SPOCK3: variants seen among roughly 807,000 people sequenced by gnomAD.
SPOCK3 encodes the protein SPARC (osteonectin), cwcv and kazal like domains proteoglycan 3, also known as testican-3.
A neutral mutation model predicts 56.6 loss-of-function variants in SPOCK3; 30 were observed. The observed-to-expected ratio is 0.53, with a 90% CI of 0.40 to 0.72. The LOEUF (loss-of-function observed/expected upper bound fraction) is 0.72, where lower values mean the gene tolerates loss of function less well. SPOCK3 is among the 30% of genes least tolerant of loss of function. SPOCK3 has a pLI of 0.00. For synonymous variants in SPOCK3, 196 were observed against 183.3 expected (o/e 1.07, Z -0.56); for missense variants, 527 against 530.0 (o/e 0.99, Z 0.06).
intron 6 of SPOCK3, among the ~76,000 whole-genome samples, chr4:166,836,733 T>C (rs1308452064): frequency 6.6e-6 from 1 of 152,212 alleles, no homozygotes; most frequent in Non-Finnish European, 1.5e-5. Context: ...AACTCTCCTT[T>C]GAGTACTTTC....
In SPOCK3 at chr4:166,801,347, C is replaced by A. The variant is rs72494052; in HGVS notation, c.590-9058G>T. On this transcript the variant is annotated intron_variant, in intron 6 of 10. Coordinates refer to ENST00000357545, the MANE Select transcript of SPOCK3 (RefSeq NM_001040159.2). ...TATTGTTTTAAGTTACCATCTTTCC[C>A]TACCAAAAAAAGGGGAATATATTCC... 2.6e-3 allele frequency among the ~76,000 whole-genome samples: 394 copies of A among 152,070 alleles called. 10 individuals are homozygous for A. In the East Asian group the frequency reaches 0.059, roughly 23 times the overall value.
intron 6 of SPOCK3, among the ~76,000 whole-genome samples, chr4:166,871,197 A>AAATGAT (rs1202292664): frequency 6.6e-6 from 1 of 152,152 alleles, no homozygotes; most frequent in East Asian, 1.9e-4. Flanking sequence ...AAAAGGAAGA[A>AAATGAT]AATGATAATA....
At chr4:166,914,027 C>A (rs1737567473) in intron 4 of SPOCK3, among the ~76,000 whole-genome samples, 2 of 151,090 alleles carry the variant, frequency 1.3e-5, no homozygotes, top group African/African-American at 4.9e-5. Flanking sequence ...TGTAACACTT[C>A]AAGATTTATA....
At chr4:166,737,689 C>A in intron 9 of SPOCK3, 85 bp from the exon 10 acceptor site, 3 of 1,383,004 alleles carry the variant, frequency 2.2e-6, no homozygotes, top group South Asian at 1.4e-5. Context: ...ACCCATTATG[C>A]ATTAATGCAT....
intron 4 of SPOCK3, among the ~76,000 whole-genome samples, chr4:166,918,772 T>G (rs1268566333): frequency 1.3e-5 from 2 of 152,222 alleles, no homozygotes; most frequent in Non-Finnish European, 2.9e-5. Context: ...AAATGTCATG[T>G]TGAATTTTGA....
At chr4:166,994,637 T>A (rs1032354574) in intron 4 of SPOCK3, among the ~76,000 whole-genome samples, 1 of 152,176 alleles carries the variant, frequency 6.6e-6, no homozygotes, top group Non-Finnish European at 1.5e-5. Flanking sequence ...CCAATAATGA[T>A]AAGGTGTGTT....
At chr4:166,792,034 A>G (rs533770087) in intron 7 of SPOCK3, 136 bp downstream of exon 7, 13 of 967,566 alleles carry the variant, frequency 1.3e-5, no homozygotes, top group Non-Finnish European at 2.0e-5. Flanking sequence ...TGTGCTTGGA[A>G]GTAATAACGT....
At chr4:167,116,511 AAT>A (rs1761352346) in intron 2 of SPOCK3, among the ~76,000 whole-genome samples, 2 of 129,906 alleles carry the variant, frequency 1.5e-5, no homozygotes, top group East Asian at 2.3e-4. Flanking sequence ...TATATACACA[AAT>A]ATATATACGT....
chr4:167,014,929 C>T (rs1750464669), intron 3 of SPOCK3, among the ~76,000 whole-genome samples: 1 of 151,792 alleles, frequency 6.6e-6, no homozygotes, highest in Non-Finnish European at 1.5e-5. Context: ...AATTATACCT[C>T]AATGGAAAAG....
At chr4:167,114,048 T>C (rs1022338648) in intron 2 of SPOCK3, among the ~76,000 whole-genome samples, 4 of 152,140 alleles carry the variant, frequency 2.6e-5, no homozygotes, top group African/African-American at 9.7e-5. Flanking sequence ...AAAACTTCCC[T>C]TTTTAATTGT....
At chr4:167,206,493 AT>A (rs66965472) in intron 2 of SPOCK3, among the ~76,000 whole-genome samples, 17,262 of 152,066 alleles carry the variant, frequency 0.11, 1,137 homozygotes, top group East Asian at 0.2. Flanking sequence ...TAAGAATTAC[AT>A]TAAAAAATAA....
intron 2 of SPOCK3, among the ~76,000 whole-genome samples, chr4:167,128,279 T>C (rs1015607700): frequency 2.0e-5 from 3 of 152,172 alleles, no homozygotes; most frequent in Non-Finnish European, 2.9e-5. Context: ...TTCACCAAAC[T>C]CTTCCCAAAG....
intron 9 of SPOCK3, among the ~76,000 whole-genome samples, chr4:166,738,261 G>C (rs1013650762): frequency 1.3e-5 from 2 of 151,750 alleles, no homozygotes; most frequent in Non-Finnish European, 1.5e-5. Context: ...TGTGTTGACT[G>C]TCCTTGCATA....
At chr4:166,873,230 G>A (rs1000379946) in intron 6 of SPOCK3, among the ~76,000 whole-genome samples, 1 of 151,808 alleles carries the variant, frequency 6.6e-6, no homozygotes, top group Non-Finnish European at 1.5e-5. Context: ...AAACATCAGT[G>A]GTTTCCAGGG....
At chr4:167,021,391 T>C (rs1751156192) in intron 3 of SPOCK3, among the ~76,000 whole-genome samples, 1 of 152,036 alleles carries the variant, frequency 6.6e-6, no homozygotes, top group Non-Finnish European at 1.5e-5. Flanking sequence ...AATAGATCTA[T>C]TAAAATCTTG....
At chr4:167,142,376 T>C (rs1443955803) in intron 2 of SPOCK3, among the ~76,000 whole-genome samples, 1 of 151,950 alleles carries the variant, frequency 6.6e-6, no homozygotes. Flanking sequence ...ATCATGCTTT[T>C]ATGGTAATGA....
chr4:167,013,141 G>A (rs1431493437), intron 3 of SPOCK3, among the ~76,000 whole-genome samples: 3 of 151,852 alleles, frequency 2.0e-5, no homozygotes, highest in Non-Finnish European at 4.4e-5. Context: ...AGATTTTGAT[G>A]CATTGCAGGA....
At chr4:166,797,233 C>CTTTTTTT (rs1028695610) in intron 6 of SPOCK3, among the ~76,000 whole-genome samples, 3 of 80,752 alleles carry the variant, frequency 3.7e-5, no homozygotes, top group Non-Finnish European at 7.4e-5. Context: ...TTCCACCTTT[C>CTTTTTTT]TTTTTTTTTT....
intron 2 of SPOCK3, among the ~76,000 whole-genome samples, chr4:167,217,128 T>C (rs1230939707): frequency 6.6e-6 from 1 of 152,120 alleles, no homozygotes; most frequent in African/African-American, 2.4e-5. Context: ...CTTTTATTAA[T>C]GAATGTAAAC....
Sources: gnomAD v4.1 joint callset for allele counts (sites outside exome capture counted in the v4.1 genomes callset) on GRCh38, gnomAD v4.1.1 for gene constraint, MANE v1.5 for transcripts, NCBI Gene and HGNC (gene_info 2026-07-23, HGNC 2026-07-21) for gene names.